ZC3H12B: variants seen among roughly 807,000 people sequenced by gnomAD.
ZC3H12B encodes the protein zinc finger CCCH-type containing 12B.
Under a neutral mutation model 43.9 loss-of-function variants are expected in ZC3H12B, and 7 were observed. The ratio of observed to expected loss-of-function variants is 0.16; its 90% CI spans 0.09 to 0.30. The LOEUF (loss-of-function observed/expected upper bound fraction) is 0.30. Ranked by LOEUF, ZC3H12B falls within the 10% of genes least tolerant of loss-of-function variation. The pLI, the probability that ZC3H12B is intolerant of heterozygous loss-of-function variation, is 1.00. For synonymous variants in ZC3H12B, 222 were observed against 241.7 expected, an observed-to-expected ratio of 0.92 and a Z score of 0.76; for missense variants, 475 against 670.2, an observed-to-expected ratio of 0.71 and a Z score of 3.22.
At chrX:65,496,271 C>CAT (rs1370512177) in intron 1 of ZC3H12B, among the ~76,000 whole-genome samples, 1 of 111,699 alleles carries the variant, frequency 9.0e-6, no homozygotes, top group Non-Finnish European at 1.9e-5. Context: ...GTATTAAATG[C>CAT]ATATATGTAA....
the ZC3H12B span, among the ~76,000 whole-genome samples, chrX:65,285,761 G>T: frequency 9.0e-6 from 1 of 111,484 alleles, no homozygotes; most frequent in Non-Finnish European, 1.9e-5. Flanking sequence ...ATCACATTAA[G>T]TATAAAATTT....
chrX:65,446,348 C>T (rs767631345), intron 3 of ZC3H12B, among the ~76,000 whole-genome samples: 6 of 111,911 alleles, frequency 5.4e-5, no homozygotes, highest in Non-Finnish European at 7.5e-5. Context: ...TGGCTGTTCC[C>T]GCTGGTGTCT....
At chrX:65,224,745 C>T in the ZC3H12B span, among the ~76,000 whole-genome samples, 2 of 112,176 alleles carry the variant, frequency 1.8e-5, no homozygotes, top group East Asian at 2.8e-4. Flanking sequence ...CTCAGAGGGT[C>T]CTAGGCCCAT....
At chrX:65,315,642 G>A in the ZC3H12B span, among the ~76,000 whole-genome samples, 1 of 110,990 alleles carries the variant, frequency 9.0e-6, no homozygotes, top group African/African-American at 3.3e-5. Context: ...ATCAGAAAAC[G>A]TAAAACCAAA....
chrX:65,166,042 T>TC, the ZC3H12B span, among the ~76,000 whole-genome samples: 4 of 111,812 alleles, frequency 3.6e-5, no homozygotes, highest in Admixed American at 9.5e-5. Context: ...TTCTTTTTCT[T>TC]TCTTTCTTTC....
the ZC3H12B span, among the ~76,000 whole-genome samples, chrX:65,135,987 T>C: frequency 9.0e-6 from 1 of 111,465 alleles, no homozygotes; most frequent in Non-Finnish European, 1.9e-5. Context: ...TATATCAGCT[T>C]TCAAACATTT....
In ZC3H12B at chrX:65,392,564, G is replaced by A. The variant is rs1430395606; in HGVS notation, n.296-6029G>A. On this transcript the variant is annotated intron_variant and non_coding_transcript_variant, in intron 2 of 5. Transcript: ENST00000617377. The stretch of plus-strand genomic sequence containing the variant: ...CGTCTGGGAGGTGGGGGTCACCCCC[G>A]CTTGGCAGCCACCCCATCTGGGAGG... Among the ~76,000 whole-genome samples the A allele has an allele frequency of 9.1e-5, 10 of 110,463 alleles. No individual in the cohort carries two copies. The East Asian group carries it at 1.2e-3, about 13-fold the overall frequency.
At chrX:65,256,348 C>T in the ZC3H12B span, among the ~76,000 whole-genome samples, 5 of 109,513 alleles carry the variant, frequency 4.6e-5, no homozygotes, top group Admixed American at 9.5e-5. Context: ...ATTCCAGGAC[C>T]ACAGCACAAT....
At chrX:65,199,021 G>A in the ZC3H12B span, among the ~76,000 whole-genome samples, 2 of 109,678 alleles carry the variant, frequency 1.8e-5, no homozygotes, top group African/African-American at 3.3e-5. Context: ...GTAGAGATGC[G>A]GTTTGGCCAT....
At chrX:65,345,898 A>T in the ZC3H12B span, among the ~76,000 whole-genome samples, 10 of 111,543 alleles carry the variant, frequency 9.0e-5, no homozygotes, top group African/African-American at 3.3e-4. Context: ...ATTCCTAGGA[A>T]TACATCTAAT....
chrX:65,273,070 G>A, the ZC3H12B span: 2 of 112,232 alleles, frequency 1.8e-5, no homozygotes, highest in African/African-American at 3.2e-5. Flanking sequence ...GCCACTAACA[G>A]TGTGACTTCA....
intron 3 of ZC3H12B, among the ~76,000 whole-genome samples, chrX:65,433,283 C>A (rs890047681): frequency 1.8e-5 from 2 of 112,189 alleles, no homozygotes; most frequent in Non-Finnish European, 3.8e-5. Context: ...AGAGTCACCA[C>A]CCCTGCATCT....
At chrX:65,117,044 G>T in the ZC3H12B span, among the ~76,000 whole-genome samples, 1 of 111,926 alleles carries the variant, frequency 8.9e-6, no homozygotes, top group African/African-American at 3.2e-5. Flanking sequence ...CTTTACAGCA[G>T]CATGATTTGG....
chrX:65,388,720 G>T (rs1254617126), intron 2 of ZC3H12B, among the ~76,000 whole-genome samples: 1 of 111,644 alleles, frequency 9.0e-6, no homozygotes, highest in Non-Finnish European at 1.9e-5. Context: ...GAGGTGCTCT[G>T]ATTTTTAGAG....
the ZC3H12B span, among the ~76,000 whole-genome samples, chrX:65,337,767 A>C: frequency 2.0e-4 from 23 of 112,628 alleles, no homozygotes; most frequent in African/African-American, 7.4e-4. Context: ...ATCAGAAACC[A>C]TTTCTTACAT....
chrX:65,370,603 GA>G (rs1398396964), intron 2 of ZC3H12B, among the ~76,000 whole-genome samples: 1 of 111,620 alleles, frequency 9.0e-6, no homozygotes, highest in Non-Finnish European at 1.9e-5. Flanking sequence ...TATCCCTAAG[GA>G]AAAAATAACA....
chrX:65,037,328 GC>G, the ZC3H12B span, among the ~76,000 whole-genome samples: 1 of 111,535 alleles, frequency 9.0e-6, no homozygotes, highest in African/African-American at 3.3e-5. Flanking sequence ...AGAAGTATAA[GC>G]TTTCTTAGAA....
the ZC3H12B span, among the ~76,000 whole-genome samples, chrX:65,171,462 G>A: frequency 9.0e-6 from 1 of 111,215 alleles, no homozygotes; most frequent in Non-Finnish European, 1.9e-5. Flanking sequence ...ATTGGGAGGT[G>A]TCTATAAGTT....
At chrX:65,373,904 TATAGTTATATATATA>T (rs1259547953) in intron 2 of ZC3H12B, among the ~76,000 whole-genome samples, 2 of 706 alleles carry the variant, frequency 2.8e-3, no homozygotes, top group Admixed American at 0.033. Context: ...AATATATATA[TATAGTTATATATATA>T]TACTATATAT....
Sources: gnomAD v4.1 joint callset for allele counts (sites outside exome capture counted in the v4.1 genomes callset) on GRCh38, gnomAD v4.1.1 for gene constraint, MANE v1.5 for transcripts, NCBI Gene and HGNC (gene_info 2026-07-23, HGNC 2026-07-21) for gene names.